INTS2: variants seen among roughly 807,000 people sequenced by gnomAD.
INTS2 encodes KIAA1287.
INTS2 carries 57 observed loss-of-function variants against 139.6 expected under a neutral mutation model. That is an observed-to-expected ratio of 0.41 (90% confidence interval 0.33 to 0.51). The LOEUF is 0.51. INTS2 is among the 20% of genes least tolerant of loss of function. The pLI is 0.28. For synonymous variants in INTS2, 473 were observed against 493.4 expected, an observed-to-expected ratio of 0.96 and a Z score of 0.55; for missense variants, 1,196 against 1,436.7, an observed-to-expected ratio of 0.83 and a Z score of 2.71.
At chr17:61,923,477 CAA>C (rs933124889) in intron 3 of INTS2, among the ~76,000 whole-genome samples, 2 of 30,680 alleles carry the variant, frequency 6.5e-5, no homozygotes, top group East Asian at 1.0e-3. Flanking sequence ...ACTCTGTCTC[CAA>C]AAAAAAAAAA....
At chr17:61,880,714 T>C (rs1344457145) in intron 17 of INTS2, among the ~76,000 whole-genome samples, 1 of 145,446 alleles carries the variant, frequency 6.9e-6, no homozygotes, top group South Asian at 2.1e-4. Context: ...ATCACGCCAC[T>C]GCACTCCAGC....
intron 14 of INTS2, among the ~76,000 whole-genome samples, chr17:61,890,558 T>C (rs910897076): frequency 6.8e-6 from 1 of 147,622 alleles, no homozygotes; most frequent in Non-Finnish European, 1.5e-5. Context: ...TGCAGTAAGC[T>C]GAGATCGTGT....
chr17:61,919,631 A>C lies in INTS2; in HGVS notation c.536-118T>G, dbSNP rs117714088. 3.1e-3 allele frequency: 1,896 copies of C among 610,450 alleles called. 2 individuals carry two copies. The highest frequency in any genetic ancestry group is 4.6e-3 in the Non-Finnish European group (1,570 of 340,904). The allele number at this position is 610,450 out of a possible 1,614,324, so 37.8% of individuals were successfully genotyped here. A position where few individuals can be genotyped will look rare whatever the true frequency, so the allele number is the denominator to read the frequency against. Reference sequence around the variant, plus strand: ...TCACTGTGTTGCCCAGGTGGGTCTCAAACTTTGGCCTCAAGTGATCCTCCA... The same window carrying C: ...TCACTGTGTTGCCCAGGTGGGTCTCCAACTTTGGCCTCAAGTGATCCTCCA... On this transcript the variant is annotated intron_variant, in intron 4 of 24. Transcript: ENST00000251334.
Position 61,907,438 on chromosome 17 carries a change from T to A in INTS2, c.1151A>T (p.Tyr384Phe). The change falls in exon 8 of 25, where the codon TAC (tyrosine) becomes TTC (phenylalanine). Residue 384 changes from tyrosine to phenylalanine, a missense_variant. Coordinates refer to ENST00000251334, the MANE Select transcript of INTS2 (RefSeq NM_001351695.2). ...VVKASALLRL[Y>F]CALMGIAGLK... Reference sequence around the variant, plus strand: ...TCCAGCGATCCCCATCAAAGCACAGTACAGACGTAAGAGTGCACTGGCTTT... The same window carrying A: ...TCCAGCGATCCCCATCAAAGCACAGAACAGACGTAAGAGTGCACTGGCTTT... 6.3e-7 allele frequency: 1 copy of A among 1,596,004 alleles called. No individual in the cohort carries two copies. The highest frequency in any genetic ancestry group is 8.5e-7 in the Non-Finnish European group (1 of 1,171,244).
rs2079321859 is a variant in INTS2 at position 61,893,950 on chromosome 17, A to G, written c.1564-51T>C. ...ATATAATAGAACTAAATATAAAATT[A>G]TTTTGAAAGAGAGATTAGTAAGTAG... is the stretch of plus-strand genomic sequence containing the variant. On this transcript the variant is annotated intron_variant, in intron 12 of 24. Transcript: ENST00000251334. This position sits in a 1 kb window ranked among gnomAD's most constrained non-coding sequence, Gnocchi z 5.4. 3.8e-6 allele frequency: 5 copies of G among 1,307,416 alleles called. No individual in the cohort carries two copies. The East Asian group carries it at 1.3e-4, about 35-fold the overall frequency. The allele number at this position is 1,307,416 out of a possible 1,614,324, so 81.0% of individuals were successfully genotyped here.
rs1037156864 is a variant in INTS2, at chr17:61,909,390, T to C, written c.955-1756A>G. Among the ~76,000 whole-genome samples, 2 of 152,214 alleles carry C rather than the reference T, an allele frequency of 1.3e-5. No individual in the cohort carries two copies. Among genetic ancestry groups the C allele is most frequent in the African/African-American group, 4.8e-5 (2 of 41,470 alleles). On this transcript the variant is annotated intron_variant, in intron 7 of 24. Coordinates refer to ENST00000251334, the MANE Select transcript of INTS2 (RefSeq NM_001351695.2). The surrounding 1 kb of genome is among the most constrained non-coding windows in gnomAD (Gnocchi z 4.9). The stretch of plus-strand genomic sequence containing the variant: ...TCCCAAAGTGCTGGGATTACAGGCG[T>C]AAGCCACCCCACCCAGCCCTTACTT...
chr17:61,921,696 G>A, intron 4 of INTS2, 29 bp downstream of exon 4: 2 of 1,120,132 alleles, frequency 1.8e-6, no homozygotes, highest in South Asian at 1.7e-5. Context: ...AACTATATAT[G>A]AAATCCATCT....
At chr17:61,913,189 T>C (rs1290310913) in intron 5 of INTS2, among the ~76,000 whole-genome samples, 1 of 151,476 alleles carries the variant, frequency 6.6e-6, no homozygotes, top group African/African-American at 2.4e-5. Context: ...AATACAAAAA[T>C]TAGCCAGGCA....
At chr17:61,917,465 T>C (rs528407088) in intron 5 of INTS2, among the ~76,000 whole-genome samples, 5 of 152,342 alleles carry the variant, frequency 3.3e-5, no homozygotes, top group African/African-American at 1.2e-4. Context: ...AATGAAATCA[T>C]GTCCTTTGCC....
rs1380753681 is a variant in INTS2 at position 61,891,523 on chromosome 17, C to T, written c.1865G>A (p.Gly622Glu). 4 of 1,612,612 alleles carry T rather than the reference C, an allele frequency of 2.5e-6. No homozygotes were observed. The highest frequency in any genetic ancestry group is 3.4e-6 in the Non-Finnish European group (4 of 1,179,244). ...TEQEILNIFQGVIGGDNIRLN... is the reference protein window; with the variant it reads ...TEQEILNIFQEVIGGDNIRLN... Reference sequence around the variant, plus strand: ...GAACCACTATTTTACCCCAATGACTCCTTGGAAAATATTGAGTATCTCCTG... The same window carrying T: ...GAACCACTATTTTACCCCAATGACTTCTTGGAAAATATTGAGTATCTCCTG... The change falls in exon 14 of 25, where the codon GGA becomes GAA. Residue 622 changes from glycine (G) to glutamate (E), a missense_variant. Transcript: ENST00000251334.
chr17:61,890,840 G>T (rs867737777), intron 14 of INTS2, among the ~76,000 whole-genome samples: 1 of 151,264 alleles, frequency 6.6e-6, no homozygotes, highest in African/African-American at 2.4e-5. Flanking sequence ...AAGGCAGGAG[G>T]ATCACTTGAG....
Position 61,874,982 on chromosome 17 carries a change from T to A in INTS2, c.2513A>T (p.Gln838Leu). The A allele has an allele frequency of 6.3e-7, 1 of 1,598,056 alleles. No homozygotes were observed. The highest frequency in any genetic ancestry group is 8.5e-7 in the Non-Finnish European group (1 of 1,171,206). ...CATCAGGTCATTCTGAGTATACTTT[T>A]GTTGTCGTACAAACTTTATTGAAGG... ...LQPSIKFVRQ[Q>L]KYTQNDLMID... The change falls in exon 19 of 25, where the codon CAA (glutamine) becomes CTA (leucine). Residue 838 changes from glutamine (Q) to leucine (L), a missense_variant. Physicochemically the swap from Gln to Leu is moderately radical, Grantham distance 113 (BLOSUM62 -2). Transcript: ENST00000251334.
At chr17:61,896,295 A>C (rs1603377841) in intron 11 of INTS2, among the ~76,000 whole-genome samples, 1 of 151,928 alleles carries the variant, frequency 6.6e-6, no homozygotes, top group East Asian at 1.9e-4. Context: ...TAATAATGAT[A>C]ATAATTTCCA....
At chr17:61,915,178 A>G (rs1677640363) in intron 5 of INTS2, among the ~76,000 whole-genome samples, 1 of 151,740 alleles carries the variant, frequency 6.6e-6, no homozygotes, top group Admixed American at 6.6e-5. Flanking sequence ...CTCTACTAAA[A>G]ACACAAAAAA....
At position 61,889,837 on chromosome 17, in the gene INTS2, A is replaced by G. The variant is rs1450380464; in HGVS notation, c.1933T>C (p.Tyr645His). The change falls in exon 15 of 25, where the codon TAC (tyrosine) becomes CAC (histidine). Residue 645 changes from tyrosine (Y) to histidine (H), a missense_variant. By Grantham distance (83) the Tyr-to-His change is moderately conservative (BLOSUM62 2). Transcript: ENST00000251334. Reference sequence around the variant, plus strand: ...GCCTCTTCATAAGACAGTATATAGTAGAGCACCAAAAGCTGTGCTGTGATA... The same window carrying G: ...GCCTCTTCATAAGACAGTATATAGTGGAGCACCAAAAGCTGTGCTGTGATA... ...FSITAQLLVL[Y>H]YILSYEEALL... 1.2e-6 allele frequency: 2 copies of G among 1,612,356 alleles called. No individual in the cohort carries two copies. Among genetic ancestry groups the G allele is most frequent in the East Asian group, 2.2e-5 (1 of 44,860 alleles).
chr17:61,881,581 G>A (rs1464014635), intron 16 of INTS2, among the ~76,000 whole-genome samples: 1 of 152,142 alleles, frequency 6.6e-6, no homozygotes, highest in Non-Finnish European at 1.5e-5. Flanking sequence ...CAGGCAACGA[G>A]CAAAACTCCC....
chr17:61,882,992 T>C lies in INTS2; in HGVS notation c.2090-1821A>G, dbSNP rs1254866064. ...CCGTTCTCATAGAAACAGCTTAAAATTGATGTTTCTGTGTTTGAAAAGACA... is the reference window on the plus strand; with the variant it reads ...CCGTTCTCATAGAAACAGCTTAAAACTGATGTTTCTGTGTTTGAAAAGACA... On this transcript the variant is annotated intron_variant, in intron 16 of 24. Coordinates refer to ENST00000251334, the MANE Select transcript of INTS2 (RefSeq NM_001351695.2). The surrounding 1 kb of genome is among the most constrained non-coding windows in gnomAD (Gnocchi z 4.7). 2.0e-5 allele frequency among the ~76,000 whole-genome samples: 3 copies of C among 152,160 alleles called. No homozygotes were observed. The highest frequency in any genetic ancestry group is 7.2e-5 in the African/African-American group (3 of 41,444).
intron 19 of INTS2, chr17:61,874,174 G>C (rs910154455): frequency 2.0e-5 from 3 of 152,012 alleles, no homozygotes; most frequent in African/African-American, 7.2e-5. Context: ...CACTGCACTC[G>C]AACCAGCCCT....
intron 8 of INTS2, among the ~76,000 whole-genome samples, chr17:61,905,839 A>C (rs1448855741): frequency 6.6e-6 from 1 of 152,118 alleles, no homozygotes. Flanking sequence ...CTGGGATTAC[A>C]GGCATGTGCC....
Sources: gnomAD v4.1 joint callset for allele counts (sites outside exome capture counted in the v4.1 genomes callset) on GRCh38, gnomAD v4.1.1 for gene constraint, Gnocchi (gnomAD v3.1) non-coding constraint, MANE v1.5 for transcripts, NCBI Gene and HGNC (gene_info 2026-07-23, HGNC 2026-07-21) for gene names.